Variants in RNF111 observed in about 807,000 individuals in gnomAD.
RNF111 encodes E3 ubiquitin-protein ligase Arkadia.
Under a neutral mutation model 95.1 loss-of-function variants are expected in RNF111, and 17 were observed. The ratio of observed to expected loss-of-function variants is 0.18; its 90% CI spans 0.12 to 0.27. The LOEUF (loss-of-function observed/expected upper bound fraction) is 0.27, where lower values mean the gene tolerates loss of function less well. Among genes scored for constraint, RNF111 ranks in the 10% least tolerant of loss-of-function variants. The pLI is 1.00. For missense variants in RNF111, 1,189 were observed against 1,210.4 expected (o/e 0.98, Z 0.26); for synonymous variants, 440 against 414.8 (o/e 1.06, Z -0.74).
chr15:59,096,804 A>AC lies in RNF111; in HGVS notation c.*1905dup, dbSNP rs1177274482. 2 of 152,200 alleles carry AC rather than the reference A, an allele frequency of 1.3e-5. No homozygotes were observed. Among genetic ancestry groups the AC allele is most frequent in the Non-Finnish European group, 2.9e-5 (2 of 68,040 alleles). The allele number at this position is 152,200 out of a possible 1,614,324, so 9.4% of individuals were successfully genotyped here. ...CCTGTAATGGATGTACTACTTTGCC[A>AC]CTGGAATACCCCGGGTCTGTGCCAA... On this transcript the variant is annotated 3_prime_UTR_variant, in exon 14 of 14. Coordinates refer to ENST00000348370, the MANE Select transcript of RNF111 (RefSeq NM_017610.8).
At chr15:59,031,861 G>A (rs1481029589) in intron 2 of RNF111, among the ~76,000 whole-genome samples, 159 bp downstream of exon 2, 1 of 152,104 alleles carries the variant, frequency 6.6e-6, no homozygotes, top group Non-Finnish European at 1.5e-5. Context: ...ATTAAACCAT[G>A]ACTCTAATGC....
chr15:59,026,133 G>A (rs1456513842), intron 1 of RNF111, among the ~76,000 whole-genome samples: 1 of 151,962 alleles, frequency 6.6e-6, no homozygotes, highest in Non-Finnish European at 1.5e-5. Flanking sequence ...ATAATTGGTG[G>A]TGAAGCATCA....
Position 59,007,704 on chromosome 15 carries a change from T to C in RNF111, c.-20+19636T>C, listed in dbSNP as rs553561158. On this transcript the variant is annotated intron_variant, in intron 1 of 13. Coordinates refer to ENST00000348370, the MANE Select transcript of RNF111 (RefSeq NM_017610.8). Reference sequence around the variant, plus strand: ...TTTGGTCTTTTTAGTTTTAGTCTTATTGGGTGTGTAATGGTATATTACTAT... The same window carrying C: ...TTTGGTCTTTTTAGTTTTAGTCTTACTGGGTGTGTAATGGTATATTACTAT... 1.1e-4 allele frequency among the ~76,000 whole-genome samples: 17 copies of C among 152,288 alleles called. No homozygotes were observed. In the South Asian group the frequency reaches 3.5e-3, roughly 32 times the overall value.
chr15:59,024,040 A>G (rs185918018), intron 1 of RNF111, among the ~76,000 whole-genome samples: 61 of 152,234 alleles, frequency 4.0e-4, no homozygotes, highest in Non-Finnish European at 6.0e-4. Context: ...GTTCTTTTCT[A>G]TGGTCAGTTT....
chr15:59,069,712 T>A (rs74400119), intron 6 of RNF111, among the ~76,000 whole-genome samples: 1,528 of 152,258 alleles, frequency 0.01, 27 homozygotes, highest in African/African-American at 0.035. Flanking sequence ...TTGAGACTCA[T>A]GTTGATGTTT....
At chr15:59,046,768 A>G (rs989310050) in intron 2 of RNF111, among the ~76,000 whole-genome samples, 5 of 152,262 alleles carry the variant, frequency 3.3e-5, no homozygotes, top group African/African-American at 1.2e-4. Flanking sequence ...GACACTATTA[A>G]GAAAATGAAA....
chr15:59,044,762 ATTTTC>A (rs2041628813), intron 2 of RNF111, among the ~76,000 whole-genome samples: 1 of 152,254 alleles, frequency 6.6e-6, no homozygotes, highest in Middle Eastern at 3.4e-3. Context: ...TATTCTCTTG[ATTTTC>A]TTTTAAGTCG....
chr15:58,999,712 C>T (rs1467383415), intron 1 of RNF111, among the ~76,000 whole-genome samples: 13 of 152,020 alleles, frequency 8.6e-5, no homozygotes, highest in South Asian at 6.2e-4. Flanking sequence ...GGTATTAGTT[C>T]GTTCTCACAC....
chr15:59,037,140 T>C (rs1222259933), intron 2 of RNF111, among the ~76,000 whole-genome samples: 1 of 152,104 alleles, frequency 6.6e-6, no homozygotes, highest in Non-Finnish European at 1.5e-5. Flanking sequence ...GTAACCAGTG[T>C]ATTTGTTATA....
rs2038628721 is a variant in RNF111, at chr15:58,987,729, G to C, written c.-359G>C. 5.5e-6 allele frequency: 1 copy of C among 180,956 alleles called. No homozygotes were observed. Among genetic ancestry groups the C allele is most frequent in the Non-Finnish European group, 1.1e-5 (1 of 89,154 alleles). 11.2% of individuals were successfully genotyped at this position (180,956 alleles called of 1,614,324 possible). On this transcript the variant is annotated 5_prime_UTR_variant, in exon 1 of 14. Transcript: ENST00000348370. ...GCGGCGGCGGCGAAGCGGCGGCGGCGGCTGTAGGGGAGCAGCGGCAGTGGC... is the reference window on the plus strand; with the variant it reads ...GCGGCGGCGGCGAAGCGGCGGCGGCCGCTGTAGGGGAGCAGCGGCAGTGGC...
chr15:59,051,232 T>A lies in RNF111; in HGVS notation c.881-1073T>A, dbSNP rs528512604. Among the ~76,000 whole-genome samples, 14 of 151,174 alleles carry A rather than the reference T, an allele frequency of 9.3e-5. No homozygotes were observed. In the East Asian group the frequency reaches 2.7e-3, roughly 30 times the overall value. ...ACTTTGGGAGGCTGAGGAGGGTGGA[T>A]CATGAGGTCAGGAGATCGCGACCAT... is the stretch of plus-strand genomic sequence containing the variant. On this transcript the variant is annotated intron_variant, in intron 2 of 13. Coordinates refer to ENST00000348370, the MANE Select transcript of RNF111 (RefSeq NM_017610.8).
chr15:59,007,924 A>G (rs766115179), intron 1 of RNF111, among the ~76,000 whole-genome samples: 1 of 152,234 alleles, frequency 6.6e-6, no homozygotes, highest in Admixed American at 6.5e-5. Flanking sequence ...ACATGTATAT[A>G]TAATTTTATC....
In RNF111 at chr15:59,084,239, C is replaced by T; in HGVS notation, c.2408C>T (p.Pro803Leu). ...QTMSSHPRQA[P>L]ERSAWELGIE... ...ATGTCCTCACATCCTCGACAGGCTCCAGAGAGGTCTGCCTGGTCAGTATCT... is the reference window on the plus strand; with the variant it reads ...ATGTCCTCACATCCTCGACAGGCTCTAGAGAGGTCTGCCTGGTCAGTATCT... The change falls in exon 9 of 14, where the codon CCA (proline) becomes CTA (leucine). Residue 803 changes from proline to leucine, a missense_variant. Coordinates refer to ENST00000348370, the MANE Select transcript of RNF111 (RefSeq NM_017610.8). 1 of 1,589,792 alleles carries T rather than the reference C, an allele frequency of 6.3e-7. No homozygotes were observed. Among genetic ancestry groups the T allele is most frequent in the Non-Finnish European group, 8.6e-7 (1 of 1,168,474 alleles).
At chr15:59,091,286 T>G in intron 12 of RNF111, 132 bp downstream of exon 12, 1 of 505,334 alleles carries the variant, frequency 2.0e-6, no homozygotes, top group Middle Eastern at 5.0e-4. Flanking sequence ...TTTAAAAATT[T>G]TGGAAAGTAT....
At chr15:58,998,222 A>T (rs1348917483) in intron 1 of RNF111, among the ~76,000 whole-genome samples, 1 of 150,876 alleles carries the variant, frequency 6.6e-6, no homozygotes, top group Non-Finnish European at 1.5e-5. Context: ...TGTTTTTAAT[A>T]TTCCATGTGA....
intron 13 of RNF111, chr15:59,093,335 A>ATATTTTT: frequency 2.6e-6 from 1 of 384,506 alleles, no homozygotes; most frequent in Non-Finnish European, 4.9e-6. Context: ...GTTTTACAGC[A>ATATTTTT]TCTTTTTTTT....
intron 2 of RNF111, among the ~76,000 whole-genome samples, chr15:59,048,625 A>T (rs189441757): frequency 9.2e-5 from 14 of 152,334 alleles, no homozygotes; most frequent in African/African-American, 3.4e-4. Flanking sequence ...TCTTAATTAC[A>T]GACATTATTT....
chr15:59,000,240 T>G (rs2039265721), intron 1 of RNF111, among the ~76,000 whole-genome samples: 1 of 149,374 alleles, frequency 6.7e-6, no homozygotes, highest in African/African-American at 2.5e-5. Context: ...CTTAGTTCAC[T>G]ACATTCTCTG....
intron 2 of RNF111, among the ~76,000 whole-genome samples, chr15:59,051,114 A>T (rs1271610321): frequency 2.0e-5 from 3 of 152,218 alleles, no homozygotes; most frequent in Non-Finnish European, 4.4e-5. Context: ...ATAAGGATGC[A>T]CTTTCCAAGT....
Sources: gnomAD v4.1 joint callset for allele counts (sites outside exome capture counted in the v4.1 genomes callset) on GRCh38, gnomAD v4.1.1 for gene constraint, MANE v1.5 for transcripts, NCBI Gene and HGNC (gene_info 2026-07-23, HGNC 2026-07-21) for gene names.